CADPS2: variants seen among roughly 807,000 people sequenced by gnomAD.
CADPS2 encodes calcium-dependent secretion activator 2.
CADPS2 carries 93 observed loss-of-function variants against 172.5 expected under a neutral mutation model. The ratio of observed to expected loss-of-function variants is 0.54; its 90% CI spans 0.46 to 0.64. The LOEUF (loss-of-function observed/expected upper bound fraction) is 0.64. CADPS2 is among the 30% of genes least tolerant of loss of function. CADPS2 has a pLI of 0.00. For missense variants in CADPS2, 1,420 were observed against 1,565.9 expected (o/e 0.91, Z 1.57); for synonymous variants, 546 against 555.2 (o/e 0.98, Z 0.23).
Position 122,639,480 on chromosome 7 carries a change from C to T in CADPS2, c.787-10152G>A, listed in dbSNP as rs187305172. On this transcript the variant is annotated intron_variant, in intron 3 of 29. Transcript: ENST00000449022. ...ACAACCAGGATCCTGACTTTGGCTA[C>T]GTAATCACCCATCTAATTCACATTT... Among the ~76,000 whole-genome samples the T allele has an allele frequency of 4.4e-4, 67 of 152,238 alleles. 1 individual carries two copies. In the Middle Eastern group the frequency reaches 0.014, roughly 31 times the overall value.
chr7:122,730,866 T>C (rs1035373500), intron 2 of CADPS2, among the ~76,000 whole-genome samples: 5 of 151,824 alleles, frequency 3.3e-5, no homozygotes, highest in African/African-American at 1.2e-4. Context: ...CTTAAAATAA[T>C]ATCACAGTAG....
At chr7:122,591,562 C>A (rs2070814378) in intron 6 of CADPS2, among the ~76,000 whole-genome samples, 1 of 152,128 alleles carries the variant, frequency 6.6e-6, no homozygotes, top group Admixed American at 6.6e-5. Flanking sequence ...AAGCTGGAGG[C>A]ATCATGCTAC....
At chr7:122,450,393 T>C (rs186241906) in intron 15 of CADPS2, among the ~76,000 whole-genome samples, 745 of 152,174 alleles carry the variant, frequency 4.9e-3, no homozygotes, top group Non-Finnish European at 8.2e-3. Flanking sequence ...AAAGAAAATA[T>C]GTTAGCATAT....
chr7:122,782,800 T>C (rs1368945641), intron 1 of CADPS2, among the ~76,000 whole-genome samples: 1 of 152,210 alleles, frequency 6.6e-6, no homozygotes, highest in Non-Finnish European at 1.5e-5. Context: ...ATATTTTAGC[T>C]GATATGTTGT....
At chr7:122,878,517 G>A (rs1821927614) in intron 1 of CADPS2, among the ~76,000 whole-genome samples, 1 of 150,866 alleles carries the variant, frequency 6.6e-6, no homozygotes, top group Non-Finnish European at 1.5e-5. Context: ...GCGGGTGCCT[G>A]TAGTCCCAGC....
At chr7:122,487,011 CTTTTTTTTTTTTTTTTT>C (rs535575706) in intron 11 of CADPS2, among the ~76,000 whole-genome samples, 1 of 123,282 alleles carries the variant, frequency 8.1e-6, no homozygotes, top group African/African-American at 3.1e-5. Flanking sequence ...ATAAACATAA[CTTTTTTTTTTTTTTTTT>C]TTTTTGAGAC....
chr7:122,479,608 C>T (rs977661713), intron 12 of CADPS2, among the ~76,000 whole-genome samples: 2 of 152,200 alleles, frequency 1.3e-5, no homozygotes, highest in African/African-American at 2.4e-5. Context: ...TATGAATTAA[C>T]ACATCTTGCT....
chr7:122,490,206 T>C lies in CADPS2; in HGVS notation c.1727A>G (p.Gln576Arg). ...GGCTTGAACCCATAATATTCTGTCC[T>C]GTTCATCATCACTGGCAAAGATTAC... ...DTVIFASDDE[Q>R]DRILWVQAMY... Residue 576 changes from glutamine (Q) to arginine (R), a missense_variant, in exon 11 of 30, where the codon CAG (glutamine) becomes CGG (arginine). Physicochemically the swap from Gln to Arg is conservative, Grantham distance 43 (BLOSUM62 1). Transcript: ENST00000449022. 6.2e-7 allele frequency: 1 copy of C among 1,613,454 alleles called. No homozygotes were observed. Among genetic ancestry groups the C allele is most frequent in the Non-Finnish European group, 8.5e-7 (1 of 1,179,586 alleles).
At chr7:122,391,414 A>C (rs1227928013) in intron 22 of CADPS2, among the ~76,000 whole-genome samples, 1 of 152,108 alleles carries the variant, frequency 6.6e-6, no homozygotes, top group Non-Finnish European at 1.5e-5. Flanking sequence ...CAAAAAAATA[A>C]ATTTCGCAGG....
At chr7:122,387,571 T>G (rs9641685) in intron 23 of CADPS2, among the ~76,000 whole-genome samples, 58,216 of 151,840 alleles carry the variant, frequency 0.38, 11,829 homozygotes, top group African/African-American at 0.53. Context: ...CTATGTGAGG[T>G]CTTACCAAAT....
intron 8 of CADPS2, among the ~76,000 whole-genome samples, chr7:122,535,104 C>T (rs2062121134): frequency 6.6e-6 from 1 of 152,110 alleles, no homozygotes; most frequent in African/African-American, 2.4e-5. Context: ...TCACTTTACA[C>T]AAGTATTTGA....
At chr7:122,380,947 A>C (rs571444760) in intron 24 of CADPS2, among the ~76,000 whole-genome samples, 1 of 152,224 alleles carries the variant, frequency 6.6e-6, no homozygotes, top group East Asian at 1.9e-4. Context: ...AAGGGGAGAG[A>C]AGACAGAAAA....
At chr7:122,637,208 T>TTTTTTTC (rs778963218) in intron 3 of CADPS2, among the ~76,000 whole-genome samples, 1 of 62,664 alleles carries the variant, frequency 1.6e-5, no homozygotes, top group Admixed American at 2.6e-4. Context: ...TTTTTTTTTT[T>TTTTTTTC]CCTGAGACAG....
intron 2 of CADPS2, chr7:122,698,695 A>G (rs1250165297): frequency 7.4e-6 from 12 of 1,613,892 alleles, no homozygotes; most frequent in African/African-American, 1.3e-5. Flanking sequence ...TGGTGGCACT[A>G]TAACTCCTGC....
rs1237619610 is a variant in CADPS2, at chr7:122,694,402, C to T, written c.454-30833G>A. Reference sequence around the variant, plus strand: ...GATGTGTGGCAACAACAGTGTGTTGCTAAACTGGACATGTGTAGAAGAGTT... The same window carrying T: ...GATGTGTGGCAACAACAGTGTGTTGTTAAACTGGACATGTGTAGAAGAGTT... On this transcript the variant is annotated intron_variant, in intron 2 of 29. Transcript: ENST00000449022. 3.9e-5 allele frequency among the ~76,000 whole-genome samples: 6 copies of T among 152,188 alleles called. No homozygotes were observed. The East Asian group carries it at 9.6e-4, about 24-fold the overall frequency.
intron 9 of CADPS2, among the ~76,000 whole-genome samples, chr7:122,501,017 G>A: frequency 6.6e-6 from 1 of 152,142 alleles, no homozygotes; most frequent in East Asian, 1.9e-4. Context: ...CACTTTGGGA[G>A]GCTGAGGTGA....
At chr7:122,470,894 A>G (rs1314228250) in intron 14 of CADPS2, among the ~76,000 whole-genome samples, 1 of 152,198 alleles carries the variant, frequency 6.6e-6, no homozygotes, top group East Asian at 1.9e-4. Flanking sequence ...ACTTGTTCCT[A>G]AAGTGTGGAT....
At chr7:122,760,633 T>TA (rs563808060) in intron 1 of CADPS2, among the ~76,000 whole-genome samples, 1 of 151,730 alleles carries the variant, frequency 6.6e-6, no homozygotes, top group African/African-American at 2.4e-5. Flanking sequence ...TATGCAGCCA[T>TA]AAAAAATGAT....
chr7:122,496,071 T>A (rs760360596), intron 9 of CADPS2, among the ~76,000 whole-genome samples: 13 of 152,220 alleles, frequency 8.5e-5, no homozygotes, highest in Non-Finnish European at 1.6e-4. Context: ...CGAGAAATGT[T>A]ATTGCATTTT....
Sources: gnomAD v4.1 joint callset for allele counts (sites outside exome capture counted in the v4.1 genomes callset) on GRCh38, gnomAD v4.1.1 for gene constraint, MANE v1.5 for transcripts, NCBI Gene and HGNC (gene_info 2026-07-23, HGNC 2026-07-21) for gene names.